RTN1: variants seen among roughly 807,000 people sequenced by gnomAD.
RTN1 encodes reticulon 1.
RTN1 carries 25 observed loss-of-function variants against 65.5 expected under a neutral mutation model. The ratio of observed to expected loss-of-function variants is 0.38; its 90% CI spans 0.28 to 0.53. RTN1 has a LOEUF of 0.53. RTN1 is among the 20% of genes least tolerant of loss of function. The pLI is 0.79. For synonymous variants in RTN1, 471 were observed against 447.6 expected, an observed-to-expected ratio of 1.05 and a Z score of -0.66; for missense variants, 983 against 1,025.4, an observed-to-expected ratio of 0.96 and a Z score of 0.57.
chr14:59,750,009 TATATATTATATATTATATTATATAC>T (rs1263077818), intron 1 of RTN1, among the ~76,000 whole-genome samples: 9 of 69,350 alleles, frequency 1.3e-4, no homozygotes, highest in East Asian at 4.3e-4. Context: ...ATTATATACA[TATATATTATATATTATATTATATAC>T]ATATATTATA....
At chr14:59,808,345 A>G (rs1886672302) in intron 1 of RTN1, among the ~76,000 whole-genome samples, 1 of 152,120 alleles carries the variant, frequency 6.6e-6, no homozygotes, top group Middle Eastern at 3.2e-3. Flanking sequence ...ATAATCCCAA[A>G]CTGCTACACT....
intron 1 of RTN1, among the ~76,000 whole-genome samples, chr14:59,750,918 A>T (rs1222338878): frequency 1.3e-5 from 2 of 150,326 alleles, no homozygotes; most frequent in Non-Finnish European, 2.9e-5. Context: ...TGGTCTCACT[A>T]TGTTGCCCAG....
At chr14:59,738,403 G>T (rs1221218615) in intron 2 of RTN1, among the ~76,000 whole-genome samples, 1 of 152,132 alleles carries the variant, frequency 6.6e-6, no homozygotes, top group Non-Finnish European at 1.5e-5. Flanking sequence ...ATGAATAAAA[G>T]CTCAACAGCA....
At chr14:59,828,178 C>T (rs1887066776) in intron 1 of RTN1, among the ~76,000 whole-genome samples, 1 of 152,206 alleles carries the variant, frequency 6.6e-6, no homozygotes. Context: ...TTGAAATCAT[C>T]TTCTGAAGAC....
chr14:59,862,622 T>C lies in RTN1; in HGVS notation c.241+7768A>G, dbSNP rs75975626. On this transcript the variant is annotated intron_variant, in intron 1 of 8. Coordinates refer to ENST00000267484, the MANE Select transcript of RTN1 (RefSeq NM_021136.3). ...CAGATTCCAAGACCAAGCATCTATA[T>C]ACTGCCTTGCATATATCCTCAAATC... 3.5e-3 allele frequency among the ~76,000 whole-genome samples: 539 copies of C among 152,350 alleles called. 20 individuals carry two copies. In the East Asian group the frequency reaches 0.061, roughly 17 times the overall value.
intron 1 of RTN1, among the ~76,000 whole-genome samples, chr14:59,778,700 A>C (rs9652285): frequency 0.075 from 11,449 of 152,252 alleles, 1,418 homozygotes; most frequent in African/African-American, 0.26. Context: ...GTTGCACTGA[A>C]AGGCAATGAA....
At chr14:59,732,850 T>C (rs1957995) in intron 2 of RTN1, among the ~76,000 whole-genome samples, 70,776 of 152,048 alleles carry the variant, frequency 0.47, 18,488 homozygotes, top group African/African-American at 0.71. Flanking sequence ...TATGGCACCT[T>C]ACAAGATAAG....
At chr14:59,620,998 G>C (rs1882239513) in intron 3 of RTN1, among the ~76,000 whole-genome samples, 1 of 152,256 alleles carries the variant, frequency 6.6e-6, no homozygotes, top group African/African-American at 2.4e-5. Context: ...CTGAAGTTCT[G>C]ATGATTCAGT....
At chr14:59,680,419 A>T (rs1262956930) in intron 3 of RTN1, among the ~76,000 whole-genome samples, 1 of 152,224 alleles carries the variant, frequency 6.6e-6, no homozygotes, top group Non-Finnish European at 1.5e-5. Flanking sequence ...TAAATAAAAA[A>T]GGAGATAGTT....
At chr14:59,749,859 A>C (rs1885401577) in intron 1 of RTN1, among the ~76,000 whole-genome samples, 1 of 114,814 alleles carries the variant, frequency 8.7e-6, no homozygotes, top group South Asian at 2.3e-4. Context: ...ATATATCTAT[A>C]TGTATATTTA....
chr14:59,697,027 C>T (rs751374427), intron 3 of RTN1, among the ~76,000 whole-genome samples: 1 of 152,058 alleles, frequency 6.6e-6, no homozygotes, highest in Non-Finnish European at 1.5e-5. Flanking sequence ...TTATGTTATT[C>T]ACCCTTCTAG....
At position 59,798,486 on chromosome 14, in the gene RTN1, G is replaced by A. The variant is rs1566730739; in HGVS notation, c.242-52005C>T. Among the ~76,000 whole-genome samples, 4 of 152,092 alleles carry A rather than the reference G, an allele frequency of 2.6e-5. No individual in the cohort carries two copies. In the South Asian group the frequency reaches 8.3e-4, roughly 32 times the overall value. On this transcript the variant is annotated intron_variant, in intron 1 of 8. Transcript: ENST00000267484. ...GTTAGTAGCATGGGTTCTTTAGGAG[G>A]CTCTAAGAGAAAAAGTAGCTGCCTA...
Position 59,819,432 on chromosome 14 carries a change from ACCCC to A in RTN1, c.241+50954_241+50957del, listed in dbSNP as rs571475507. ...CACCACCACCCCCCCCCCACCCCCC[ACCCC>A]CCCCCCCCGGCCACAGCTAGACACA... On this transcript the variant is annotated intron_variant, in intron 1 of 8. Coordinates refer to ENST00000267484, the MANE Select transcript of RTN1 (RefSeq NM_021136.3). 9.2e-4 allele frequency among the ~76,000 whole-genome samples: 5 copies of A among 5,414 alleles called. No homozygotes were observed. In the East Asian group the frequency reaches 0.016, roughly 17 times the overall value. 3.6% of individuals were successfully genotyped at this position (5,414 alleles called of 152,430 possible).
At chr14:59,837,789 G>A (rs1226576628) in intron 1 of RTN1, among the ~76,000 whole-genome samples, 3 of 151,808 alleles carry the variant, frequency 2.0e-5, no homozygotes, top group Admixed American at 6.6e-5. Context: ...CAGTACTGCT[G>A]GAAATACATA....
chr14:59,851,473 CAG>C (rs1555363299), intron 1 of RTN1, among the ~76,000 whole-genome samples: 8 of 152,292 alleles, frequency 5.3e-5, no homozygotes, highest in African/African-American at 1.4e-4. Flanking sequence ...ACTTTCAAAA[CAG>C]GGGATGTCTG....
intron 3 of RTN1, among the ~76,000 whole-genome samples, chr14:59,716,995 A>AC: frequency 2.0e-5 from 3 of 151,694 alleles, no homozygotes; most frequent in Admixed American, 6.6e-5. Context: ...ACAAAAAAAA[A>AC]AAAAAAAAGA....
Position 59,749,198 on chromosome 14 carries a change from CTA to C in RTN1, c.242-2719_242-2718del, listed in dbSNP as rs1195401902. Reference sequence around the variant, plus strand: ...TATCTATATATCTATCTATATATATCTATATATATATCTATATATATCTATAT... The same window carrying C: ...TATCTATATATCTATCTATATATATCTATATATATCTATATATATCTATAT... On this transcript the variant is annotated intron_variant, in intron 1 of 8. Transcript: ENST00000267484. Among the ~76,000 whole-genome samples the C allele has an allele frequency of 9.0e-3, 406 of 45,114 alleles. 57 individuals carry two copies. Among genetic ancestry groups the C allele is most frequent in the African/African-American group, 0.045 (335 of 7,406 alleles). 29.6% of individuals were successfully genotyped at this position (45,114 alleles called of 152,430 possible).
At chr14:59,834,906 T>G (rs776981433) in intron 1 of RTN1, among the ~76,000 whole-genome samples, 1 of 152,230 alleles carries the variant, frequency 6.6e-6, no homozygotes, top group Non-Finnish European at 1.5e-5. Flanking sequence ...CTGGTGGGAA[T>G]GTGAAATAGT....
chr14:59,746,552 AC>A (rs1245306113), intron 1 of RTN1, 71 bp from the exon 2 acceptor site: 15 of 1,319,640 alleles, frequency 1.1e-5, no homozygotes, highest in African/African-American at 1.5e-5. Flanking sequence ...CTAACCCACC[AC>A]CCACCCCTGC....
Sources: allele counts gnomAD v4.1 joint callset (sites outside exome capture counted in the v4.1 genomes callset), GRCh38; gene constraint gnomAD v4.1.1; transcripts MANE v1.5; gene names NCBI Gene and HGNC (gene_info 2026-07-23, HGNC 2026-07-21).